The following PLXDC2 variants were observed in gnomAD, a reference collection of about 807,000 sequenced individuals.
PLXDC2 encodes the protein plexin domain-containing protein 2.
A neutral mutation model predicts 68.9 loss-of-function variants in PLXDC2; 40 were observed. The observed-to-expected ratio is 0.58, with a 90% CI of 0.45 to 0.76. The LOEUF (loss-of-function observed/expected upper bound fraction) is 0.76, where lower values mean the gene tolerates loss of function less well. Among genes scored for constraint, PLXDC2 ranks in the 30% least tolerant of loss-of-function variants. PLXDC2 has a pLI of 0.00. For missense variants in PLXDC2, 644 were observed against 661.9 expected (o/e 0.97, Z 0.30); for synonymous variants, 243 against 234.2 (o/e 1.04, Z -0.34).
At chr10:20,104,091 G>A (rs1298031024) in intron 4 of PLXDC2, among the ~76,000 whole-genome samples, 1 of 152,194 alleles carries the variant, frequency 6.6e-6, no homozygotes. Flanking sequence ...AAGAAGTAAA[G>A]TCATTAGCTG....
intron 1 of PLXDC2, among the ~76,000 whole-genome samples, chr10:19,931,957 G>GTGTGTGTT (rs1238282836): frequency 2.5e-4 from 34 of 134,718 alleles, no homozygotes; most frequent in African/African-American, 8.3e-4. Flanking sequence ...TGGGAAGTGT[G>GTGTGTGTT]TGTGTGTGTG....
intron 5 of PLXDC2, among the ~76,000 whole-genome samples, chr10:20,145,931 TTTATATAGCCCTC>T (rs1834071245): frequency 6.6e-6 from 1 of 152,182 alleles, no homozygotes; most frequent in Non-Finnish European, 1.5e-5. Flanking sequence ...AAAACTTTAA[TTTATATAGCCCTC>T]TTATTTTCAT....
At chr10:20,060,961 T>G (rs1490312690) in intron 3 of PLXDC2, among the ~76,000 whole-genome samples, 1 of 152,236 alleles carries the variant, frequency 6.6e-6, no homozygotes, top group Non-Finnish European at 1.5e-5. Context: ...TGCCTACTGG[T>G]GATTTGAATT....
chr10:20,074,341 C>A (rs547348862), intron 4 of PLXDC2, among the ~76,000 whole-genome samples: 124 of 152,058 alleles, frequency 8.2e-4, no homozygotes, highest in African/African-American at 2.9e-3. Flanking sequence ...AAACTAATAA[C>A]GTGGACATTT....
At chr10:20,216,743 G>A (rs1835143181) in intron 10 of PLXDC2, among the ~76,000 whole-genome samples, 1 of 152,214 alleles carries the variant, frequency 6.6e-6, no homozygotes, top group South Asian at 2.1e-4. Context: ...GTTGTTACCA[G>A]TGAAGGTTGT....
chr10:20,112,282 A>C (rs994334105), intron 4 of PLXDC2, among the ~76,000 whole-genome samples: 2 of 152,238 alleles, frequency 1.3e-5, no homozygotes, highest in African/African-American at 4.8e-5. Context: ...ATTATATTTG[A>C]AAGTCACTCA....
At chr10:20,061,208 C>G (rs1836097029) in intron 3 of PLXDC2, among the ~76,000 whole-genome samples, 1 of 152,048 alleles carries the variant, frequency 6.6e-6, no homozygotes, top group African/African-American at 2.4e-5. Context: ...ATTATTTTTT[C>G]TTATTCAAGA....
chr10:19,910,196 G>C (rs1833241630), intron 1 of PLXDC2, among the ~76,000 whole-genome samples: 1 of 143,370 alleles, frequency 7.0e-6, no homozygotes, highest in South Asian at 2.2e-4. Context: ...ATATATATAT[G>C]TCTGCAAGTT....
intron 1 of PLXDC2, among the ~76,000 whole-genome samples, chr10:19,865,156 G>A (rs1232885200): frequency 6.6e-6 from 1 of 152,184 alleles, no homozygotes; most frequent in Non-Finnish European, 1.5e-5. Context: ...GATGAAGGCA[G>A]TGGAGGAGGA....
At chr10:20,138,193 A>T (rs1463936820) in intron 4 of PLXDC2, among the ~76,000 whole-genome samples, 1 of 152,222 alleles carries the variant, frequency 6.6e-6, no homozygotes. Context: ...TACTGATATC[A>T]ATTAGCCAGT....
chr10:20,166,076 G>A (rs1834370559), intron 7 of PLXDC2, among the ~76,000 whole-genome samples: 1 of 151,958 alleles, frequency 6.6e-6, no homozygotes, highest in Non-Finnish European at 1.5e-5. Flanking sequence ...TGGTTACAGT[G>A]GTAGATAATT....
At chr10:19,998,812 A>T (rs200561305) in intron 1 of PLXDC2, among the ~76,000 whole-genome samples, 1 of 18,214 alleles carries the variant, frequency 5.5e-5, no homozygotes, top group African/African-American at 1.3e-3. Context: ...ACAGTGGGGG[A>T]AAAAAAAAAT....
intron 1 of PLXDC2, among the ~76,000 whole-genome samples, chr10:19,937,665 G>A (rs1833749073): frequency 6.7e-6 from 1 of 150,212 alleles, no homozygotes; most frequent in Admixed American, 6.7e-5. Flanking sequence ...CCAATAGATG[G>A]CTGGAATGTA....
At chr10:19,946,251 G>A (rs895465696) in intron 1 of PLXDC2, among the ~76,000 whole-genome samples, 6 of 152,044 alleles carry the variant, frequency 3.9e-5, no homozygotes, top group Admixed American at 3.3e-4. Context: ...TTTAATAATA[G>A]GGGATGGGGA....
intron 1 of PLXDC2, among the ~76,000 whole-genome samples, chr10:19,971,200 A>G (rs1199188514): frequency 3.3e-5 from 5 of 152,150 alleles, no homozygotes; most frequent in Admixed American, 2.6e-4. Context: ...TTTGTTGCTT[A>G]CCTTTTAGTT....
chr10:20,264,314 G>C (rs752607009), intron 13 of PLXDC2, among the ~76,000 whole-genome samples: 2 of 152,154 alleles, frequency 1.3e-5, no homozygotes, highest in African/African-American at 2.4e-5. Context: ...GGGTCTGCTT[G>C]AGGGGGAAGG....
intron 9 of PLXDC2, among the ~76,000 whole-genome samples, chr10:20,205,059 C>A (rs909226169): frequency 6.6e-6 from 1 of 152,108 alleles, no homozygotes; most frequent in Admixed American, 6.6e-5. Context: ...GAATATATTA[C>A]CCTTGCAAAA....
chr10:20,159,905 C>T (rs1157533601), intron 6 of PLXDC2, among the ~76,000 whole-genome samples: 1 of 152,190 alleles, frequency 6.6e-6, no homozygotes, highest in Non-Finnish European at 1.5e-5. Context: ...CTGCGACTCT[C>T]TTCTCTCCTA....
intron 7 of PLXDC2, among the ~76,000 whole-genome samples, chr10:20,173,179 C>T (rs974951905): frequency 1.3e-5 from 2 of 152,114 alleles, no homozygotes; most frequent in East Asian, 1.9e-4. Flanking sequence ...ACTCAGTAAA[C>T]GGTGCTTGTG....
Sources: gnomAD v4.1 joint callset for allele counts (sites outside exome capture counted in the v4.1 genomes callset) on GRCh38, gnomAD v4.1.1 for gene constraint, MANE v1.5 for transcripts, NCBI Gene and HGNC (gene_info 2026-07-23, HGNC 2026-07-21) for gene names.